Variants in EEFSEC observed in about 807,000 individuals in gnomAD.
The protein encoded by EEFSEC is selenocysteine-specific elongation factor.
In EEFSEC, 43 loss-of-function variants were observed where a neutral mutation model predicts 42.1. The observed-to-expected ratio is 1.02, with a 90% confidence interval of 0.80 to 1.32. EEFSEC has a LOEUF of 1.32. EEFSEC is among the 40% of genes most tolerant of loss of function. The probability of loss-of-function intolerance (pLI) is 0.00; values close to 1 mark genes in which losing one functional copy is unlikely to be tolerated. For missense variants in EEFSEC, 745 were observed against 803.6 expected (o/e 0.93, Z 0.88); for synonymous variants, 354 against 339.1 (o/e 1.04, Z -0.48).
intron 4 of EEFSEC, among the ~76,000 whole-genome samples, chr3:128,271,279 G>A (rs1383002059): frequency 6.6e-6 from 1 of 152,214 alleles, no homozygotes; most frequent in South Asian, 2.1e-4. Flanking sequence ...AGCAGTGACT[G>A]TGAATCAGGT....
intron 4 of EEFSEC, among the ~76,000 whole-genome samples, chr3:128,328,259 A>C (rs1210605088): frequency 1.3e-5 from 2 of 152,186 alleles, no homozygotes; most frequent in Non-Finnish European, 2.9e-5. Context: ...GAAGTGGGCC[A>C]GGCCTAAGTG....
intron 2 of EEFSEC, among the ~76,000 whole-genome samples, chr3:128,256,698 T>A (rs1000689590): frequency 6.6e-6 from 1 of 152,262 alleles, no homozygotes; most frequent in Non-Finnish European, 1.5e-5. Flanking sequence ...CTATATGTTA[T>A]CTTTAATTCA....
intron 4 of EEFSEC, among the ~76,000 whole-genome samples, chr3:128,324,120 G>T (rs2067038050): frequency 6.6e-6 from 1 of 152,214 alleles, no homozygotes; most frequent in African/African-American, 2.4e-5. Context: ...CTGGGGCTGG[G>T]AGTGGGGTGA....
intron 4 of EEFSEC, among the ~76,000 whole-genome samples, chr3:128,306,952 A>G (rs529050407): frequency 1.3e-4 from 20 of 152,210 alleles, no homozygotes; most frequent in Non-Finnish European, 2.6e-4. Flanking sequence ...CCTGCGTGAA[A>G]TGGTTCCTAG....
At chr3:128,375,341 G>A (rs1367454908) in intron 6 of EEFSEC, among the ~76,000 whole-genome samples, 1 of 152,178 alleles carries the variant, frequency 6.6e-6, no homozygotes, top group African/African-American at 2.4e-5. Context: ...TGTCTGGTGA[G>A]CACTTCACTT....
chr3:128,193,822 C>T (rs1042446640), intron 1 of EEFSEC, among the ~76,000 whole-genome samples: 1 of 152,202 alleles, frequency 6.6e-6, no homozygotes, highest in Non-Finnish European at 1.5e-5. Context: ...CTTTGCCTTC[C>T]TCCCTCCAGA....
chr3:128,182,877 T>C (rs2065423521), intron 1 of EEFSEC, among the ~76,000 whole-genome samples: 1 of 16,904 alleles, frequency 5.9e-5, no homozygotes, highest in African/African-American at 4.4e-4. Context: ...GCCACAGAGA[T>C]CGGGGCGGGG....
intron 1 of EEFSEC, among the ~76,000 whole-genome samples, chr3:128,243,193 C>T (rs922512993): frequency 1.1e-4 from 17 of 152,234 alleles, no homozygotes; most frequent in African/African-American, 4.1e-4. Context: ...GCTGGCTGCG[C>T]TGCACGGGGT....
chr3:128,383,997 G>T (rs1483977302), intron 6 of EEFSEC, among the ~76,000 whole-genome samples: 1 of 152,222 alleles, frequency 6.6e-6, no homozygotes, highest in East Asian at 1.9e-4. Context: ...TAAAAGGTGA[G>T]TTAGTAGTTC....
intron 2 of EEFSEC, among the ~76,000 whole-genome samples, chr3:128,256,701 T>G (rs2066245412): frequency 6.6e-6 from 1 of 152,240 alleles, no homozygotes; most frequent in Non-Finnish European, 1.5e-5. Flanking sequence ...TATGTTATCT[T>G]TAATTCATTT....
chr3:128,238,095 A>G (rs910701299), intron 1 of EEFSEC, among the ~76,000 whole-genome samples: 2 of 152,186 alleles, frequency 1.3e-5, no homozygotes, highest in South Asian at 4.1e-4. Flanking sequence ...CTTTATGGAA[A>G]TGGGAGGTCT....
chr3:128,292,699 G>A (rs1253777095), intron 4 of EEFSEC, among the ~76,000 whole-genome samples: 3 of 151,430 alleles, frequency 2.0e-5, no homozygotes, highest in Non-Finnish European at 4.4e-5. Flanking sequence ...TCTTTATTTT[G>A]ATCAGTCTTG....
intron 4 of EEFSEC, among the ~76,000 whole-genome samples, chr3:128,335,022 G>A (rs1376998673): frequency 6.6e-6 from 1 of 152,216 alleles, no homozygotes; most frequent in Non-Finnish European, 1.5e-5. Flanking sequence ...TGGATCCTCT[G>A]AGGGCCTGGC....
intron 1 of EEFSEC, among the ~76,000 whole-genome samples, chr3:128,181,554 G>A (rs772349588): frequency 3.9e-5 from 6 of 152,216 alleles, no homozygotes; most frequent in African/African-American, 7.2e-5. Context: ...AGAACTTGGC[G>A]TTGGCTAGTG....
chr3:128,367,869 G>A, intron 6 of EEFSEC: 2 of 982,078 alleles, frequency 2.0e-6, no homozygotes, highest in Non-Finnish European at 2.4e-6. Context: ...GGTGACGCGT[G>A]CTGACTCCAG....
intron 2 of EEFSEC, among the ~76,000 whole-genome samples, chr3:128,247,860 G>A (rs2066143917): frequency 6.6e-6 from 1 of 152,200 alleles, no homozygotes; most frequent in South Asian, 2.1e-4. Context: ...GAGAGAAGGT[G>A]TTGCTCTGAG....
In EEFSEC at chr3:128,153,851, G is replaced by C. The variant is rs752265270; in HGVS notation, c.316+28G>C. 2.0e-6 allele frequency: 3 copies of C among 1,474,570 alleles called. No individual in the cohort carries two copies. In the African/African-American group the frequency reaches 4.4e-5, roughly 22 times the overall value. 91.3% of individuals were successfully genotyped at this position (1,474,570 alleles called of 1,614,324 possible). ...GAGCGCGGGCCGGGGCGGGAGCCGG[G>C]CTCAGGGACGCGGGCGGAGCGACCG... On this transcript the variant is annotated intron_variant, in intron 1 of 6. Transcript: ENST00000254730.
chr3:128,181,545 G>A (rs955355049), intron 1 of EEFSEC, among the ~76,000 whole-genome samples: 3 of 152,350 alleles, frequency 2.0e-5, no homozygotes, highest in Non-Finnish European at 4.4e-5. Context: ...AATGGAAGTA[G>A]AACTTGGCGT....
At chr3:128,357,613 G>A (rs1470914856) in intron 5 of EEFSEC, among the ~76,000 whole-genome samples, 1 of 152,216 alleles carries the variant, frequency 6.6e-6, no homozygotes, top group Non-Finnish European at 1.5e-5. Flanking sequence ...GTACATAGGG[G>A]TGTGTGCAGC....
Sources: allele counts gnomAD v4.1 joint callset (sites outside exome capture counted in the v4.1 genomes callset), GRCh38; gene constraint gnomAD v4.1.1; transcripts MANE v1.5; gene names NCBI Gene and HGNC (gene_info 2026-07-23, HGNC 2026-07-21).